Variants in FOXP1 observed in about 807,000 individuals in gnomAD.
FOXP1 encodes the protein forkhead box P1.
Under a neutral mutation model 98.2 loss-of-function variants are expected in FOXP1, and 15 were observed. The ratio of observed to expected loss-of-function variants is 0.15; its 90% confidence interval spans 0.10 to 0.24. FOXP1 has a LOEUF of 0.24. Among genes scored for constraint, FOXP1 ranks in the 10% least tolerant of loss-of-function variants. The pLI is 1.00. For synonymous variants in FOXP1, 371 were observed against 314.5 expected (o/e 1.18, Z -1.90); for missense variants, 633 against 848.5 (o/e 0.75, Z 3.15).
chr3:71,069,245 T>C (rs1187419438), intron 7 of FOXP1, among the ~76,000 whole-genome samples: 2 of 152,228 alleles, frequency 1.3e-5, no homozygotes, highest in East Asian at 3.9e-4. Flanking sequence ...AAGCCATTGC[T>C]TCTGGTTAAT....
At chr3:71,411,076 A>G (rs957642175) in intron 3 of FOXP1, among the ~76,000 whole-genome samples, 1 of 152,244 alleles carries the variant, frequency 6.6e-6, no homozygotes, top group Non-Finnish European at 1.5e-5. Flanking sequence ...CACTCTCTAC[A>G]GAGCACAACA....
chr3:71,244,522 G>C (rs1441313558), intron 5 of FOXP1, among the ~76,000 whole-genome samples: 1 of 149,524 alleles, frequency 6.7e-6, no homozygotes. Context: ...AAAAATAGAA[G>C]AAGAAAAAGA....
chr3:71,337,751 C>T (rs2076773342), intron 4 of FOXP1, among the ~76,000 whole-genome samples: 2 of 152,130 alleles, frequency 1.3e-5, no homozygotes, highest in South Asian at 4.2e-4. Context: ...GATAATGTAG[C>T]TGTGATCAGA....
intron 3 of FOXP1, among the ~76,000 whole-genome samples, chr3:71,422,505 C>G (rs549096125): frequency 1.3e-5 from 2 of 152,220 alleles, no homozygotes; most frequent in South Asian, 2.1e-4. Flanking sequence ...GTCCCTCCCC[C>G]ACGTCCTCAC....
intron 3 of FOXP1, among the ~76,000 whole-genome samples, chr3:71,459,998 A>G (rs187394581): frequency 4.0e-5 from 6 of 149,764 alleles, no homozygotes; most frequent in African/African-American, 1.5e-4. Flanking sequence ...CAGTGGCGCG[A>G]TCTCGGCTCA....
chr3:71,253,465 T>C (rs17008404), intron 5 of FOXP1, among the ~76,000 whole-genome samples: 31,589 of 152,114 alleles, frequency 0.21, 3,379 homozygotes, highest in Non-Finnish European at 0.24. Context: ...TTCTGATCTT[T>C]TACACAGCAA....
chr3:71,483,593 CT>C (rs1426857316), intron 3 of FOXP1, among the ~76,000 whole-genome samples: 1 of 152,192 alleles, frequency 6.6e-6, no homozygotes, highest in African/African-American at 2.4e-5. Context: ...ATTTCGGCGT[CT>C]GTAAATAAAT....
intron 20 of FOXP1, among the ~76,000 whole-genome samples, chr3:70,962,892 T>C (rs2033881643): frequency 6.6e-6 from 1 of 152,098 alleles, no homozygotes; most frequent in South Asian, 2.1e-4. Flanking sequence ...GCTAACCTTA[T>C]CCAAAAAATC....
intron 11 of FOXP1, among the ~76,000 whole-genome samples, chr3:71,028,106 C>T (rs2046377040): frequency 6.6e-6 from 1 of 152,090 alleles, no homozygotes; most frequent in Non-Finnish European, 1.5e-5. Flanking sequence ...GAAGACAAAA[C>T]CAGAGCCCTG....
intron 4 of FOXP1, among the ~76,000 whole-genome samples, chr3:71,322,548 T>C (rs1023245996): frequency 3.9e-5 from 6 of 152,168 alleles, no homozygotes; most frequent in African/African-American, 1.4e-4. Flanking sequence ...TGAAGGATGG[T>C]AGGCTTCATT....
intron 7 of FOXP1, chr3:71,064,744 A>C: frequency 1.0e-6 from 1 of 961,686 alleles, no homozygotes; most frequent in Non-Finnish European, 1.2e-6. Flanking sequence ...TGCCTTCCCC[A>C]GCGAGGCCCC....
intron 7 of FOXP1, among the ~76,000 whole-genome samples, chr3:71,107,663 T>C (rs952306295): frequency 6.6e-6 from 1 of 152,178 alleles, no homozygotes; most frequent in Non-Finnish European, 1.5e-5. Context: ...AATCAGTGCA[T>C]AGGGCTATTT....
rs1389598739 is a variant in FOXP1, at chr3:71,112,672, T to G, written c.181-35A>C. On this transcript the variant is annotated intron_variant, in intron 6 of 20. Coordinates refer to ENST00000649528, the MANE Select transcript of FOXP1 (RefSeq NM_001349338.3). ...AAAACAAGAAAATCCTTTGCGTTAC[T>G]ACACAGGTTCAGGGGACTCTTCATA... 3 of 1,494,282 alleles carry G rather than the reference T, an allele frequency of 2.0e-6. No individual in the cohort carries two copies. The South Asian group carries it at 3.4e-5, about 17-fold the overall frequency. 92.6% of individuals were successfully genotyped at this position (1,494,282 alleles called of 1,614,324 possible). A position where few individuals can be genotyped will look rare whatever the true frequency, so the allele number is the denominator to read the frequency against.
At chr3:70,972,403 A>ACAGGAGGGATGAAAT in intron 18 of FOXP1, 152 bp downstream of exon 18, 1 of 1,167,892 alleles carries the variant, frequency 8.6e-7, no homozygotes. Context: ...GGTATACAAA[A>ACAGGAGGGATGAAAT]CAGGAGGGAT....
intron 5 of FOXP1, among the ~76,000 whole-genome samples, chr3:71,257,125 T>TA (rs1417768340): frequency 6.6e-6 from 1 of 152,242 alleles, no homozygotes; most frequent in Admixed American, 6.5e-5. Flanking sequence ...TTGCTGAATA[T>TA]AATTCACAAT....
intron 2 of FOXP1, among the ~76,000 whole-genome samples, chr3:71,522,809 G>C (rs969461334): frequency 6.6e-6 from 1 of 152,102 alleles, no homozygotes; most frequent in Admixed American, 6.5e-5. Context: ...AGCTGGGATG[G>C]GCCTACCGTA....
intron 5 of FOXP1, among the ~76,000 whole-genome samples, chr3:71,266,489 T>C (rs2874634): frequency 0.11 from 17,494 of 152,258 alleles, 1,120 homozygotes; most frequent in East Asian, 0.25. Flanking sequence ...TGACCTCAAG[T>C]GATCTGCCCA....
chr3:70,968,135 G>A (rs1385663107), intron 19 of FOXP1, among the ~76,000 whole-genome samples: 1 of 152,054 alleles, frequency 6.6e-6, no homozygotes, highest in Admixed American at 6.6e-5. Flanking sequence ...GTAGTGAAAC[G>A]CATACAAAGG....
At chr3:71,218,986 A>G (rs1161215341) in intron 5 of FOXP1, among the ~76,000 whole-genome samples, 1 of 152,226 alleles carries the variant, frequency 6.6e-6, no homozygotes, top group East Asian at 1.9e-4. Context: ...TCAAACTGAA[A>G]TTATTTATTT....
Sources: gnomAD v4.1 joint callset for allele counts (sites outside exome capture counted in the v4.1 genomes callset) on GRCh38, gnomAD v4.1.1 for gene constraint, MANE v1.5 for transcripts, NCBI Gene and HGNC (gene_info 2026-07-23, HGNC 2026-07-21) for gene names.